Variants in SLC28A3 observed in about 807,000 individuals in gnomAD.
The protein encoded by SLC28A3 is concentrative Na(+)-nucleoside cotransporter 3.
In SLC28A3, 68 loss-of-function variants were observed where a neutral mutation model predicts 84.2. The observed-to-expected ratio is 0.81, with a 90% CI of 0.66 to 0.99. SLC28A3 has a LOEUF of 0.99. SLC28A3 is among the 50% of genes least tolerant of loss of function. SLC28A3 has a pLI of 0.00. For synonymous variants in SLC28A3, 267 were observed against 303.6 expected (o/e 0.88, Z 1.25); for missense variants, 712 against 841.5 (o/e 0.85, Z 1.90).
intron 10 of SLC28A3, among the ~76,000 whole-genome samples, chr9:84,291,797 G>GGCAA (rs1270527759): frequency 6.6e-6 from 1 of 152,162 alleles, no homozygotes; most frequent in Non-Finnish European, 1.5e-5. Flanking sequence ...CAGTGGTGCT[G>GGCAA]GCAAGCGTTC....
At position 84,292,663 on chromosome 9, in the gene SLC28A3, C is replaced by CAGATA; in HGVS notation, c.1023+4_1023+5insTATCT. ...ATGTTTTGTTCTGTTGATATTACAA[C>CAGATA]TTACTTGTCCAACAAATATATTGCC... On this transcript the variant is annotated splice_donor_region_variant and intron_variant, in intron 10 of 17. Coordinates refer to ENST00000376238, the MANE Select transcript of SLC28A3 (RefSeq NM_001199633.2). 1 of 1,606,346 alleles carries CAGATA rather than the reference C, an allele frequency of 6.2e-7. No individual in the cohort carries two copies. The highest frequency in any genetic ancestry group is 2.2e-5 in the East Asian group (1 of 44,510).
chr9:84,340,527 A>C, intron 1 of SLC28A3, 47 bp downstream of exon 1: 2 of 1,600,134 alleles, frequency 1.2e-6, no homozygotes, highest in Non-Finnish European at 1.7e-6. Context: ...AGGAAAGGGC[A>C]GCTTTTCCAC....
At chr9:84,351,836 G>A in the SLC28A3 span, among the ~76,000 whole-genome samples, 2 of 150,816 alleles carry the variant, frequency 1.3e-5, no homozygotes, top group Non-Finnish European at 2.9e-5. Flanking sequence ...GAGTATTTAG[G>A]AATAAAGTGA....
intron 8 of SLC28A3, among the ~76,000 whole-genome samples, chr9:84,296,686 C>G (rs1303362894): frequency 6.6e-6 from 1 of 152,108 alleles, no homozygotes; most frequent in African/African-American, 2.4e-5. Context: ...GAAGGCCTAT[C>G]CCCTAGTCCT....
chr9:84,320,080 C>T (rs1826323696), intron 1 of SLC28A3, among the ~76,000 whole-genome samples: 1 of 95,680 alleles, frequency 1.0e-5, no homozygotes, highest in Admixed American at 1.4e-4. Flanking sequence ...GACAGATTCT[C>T]GCTCTGATGC....
intron 1 of SLC28A3, among the ~76,000 whole-genome samples, chr9:84,319,346 G>A (rs1826283402): frequency 6.6e-6 from 1 of 152,030 alleles, no homozygotes; most frequent in Non-Finnish European, 1.5e-5. Context: ...TTAAATACAG[G>A]GTTTCCAGAG....
the SLC28A3 span, among the ~76,000 whole-genome samples, chr9:84,353,575 T>C: frequency 1.3e-5 from 2 of 152,132 alleles, no homozygotes; most frequent in Non-Finnish European, 2.9e-5. Flanking sequence ...CCAGGCGTGT[T>C]GATGCGCGCC....
At chr9:84,350,743 GCT>G in the SLC28A3 span, among the ~76,000 whole-genome samples, 1 of 152,040 alleles carries the variant, frequency 6.6e-6, no homozygotes, top group Non-Finnish European at 1.5e-5. Context: ...ACAGAGTGTT[GCT>G]CTGTCACCCA....
At chr9:84,331,778 C>G (rs917871688) in intron 1 of SLC28A3, among the ~76,000 whole-genome samples, 5 of 152,140 alleles carry the variant, frequency 3.3e-5, no homozygotes, top group Non-Finnish European at 5.9e-5. Context: ...AAAAAACATT[C>G]CTGCATTTTC....
the SLC28A3 span, among the ~76,000 whole-genome samples, chr9:84,352,839 G>A: frequency 7.6e-3 from 1,038 of 136,352 alleles, 7 homozygotes; most frequent in Middle Eastern, 0.02. Context: ...GTTGCAGTGA[G>A]CCAAGATCGC....
In SLC28A3 at chr9:84,288,854, A is replaced by T. The variant is rs144449922; in HGVS notation, c.1150-676T>A. Among the ~76,000 whole-genome samples the T allele has an allele frequency of 2.6e-5, 4 of 152,196 alleles. No homozygotes were observed. The East Asian group carries it at 7.7e-4, about 29-fold the overall frequency. On this transcript the variant is annotated intron_variant, in intron 11 of 17. Transcript: ENST00000376238. ...GAGCCACCATGCCCAGCCTCATTAC[A>T]TCATTTTAGATAGGGGATGGGGAGG...
upstream of SLC28A3, among the ~76,000 whole-genome samples, chr9:84,344,161 A>C (rs996278876): frequency 2.0e-5 from 3 of 151,152 alleles, no homozygotes; most frequent in Non-Finnish European, 4.4e-5. Flanking sequence ...CATGCCCTAC[A>C]AATCATAAAT....
chr9:84,320,590 C>T (rs1826342967), intron 1 of SLC28A3, among the ~76,000 whole-genome samples: 2 of 152,078 alleles, frequency 1.3e-5, no homozygotes, highest in Non-Finnish European at 2.9e-5. Flanking sequence ...TATGTGCTTC[C>T]CTGGGGCTCT....
rs2118007958 is a variant in SLC28A3, at chr9:84,277,853, G to A, written c.*365C>T. On this transcript the variant is annotated 3_prime_UTR_variant, in exon 18 of 18. Transcript: ENST00000376238. ...AAACTGAGTCACCCTGGACTACTTA[G>A]TGGACACTAAGTGGGTGTGGGTGAG... is the stretch of plus-strand genomic sequence containing the variant. 4.9e-6 allele frequency: 1 copy of A among 205,694 alleles called. No homozygotes were observed. Among genetic ancestry groups the A allele is most frequent in the South Asian group, 1.1e-4 (1 of 9,178 alleles). The allele number at this position is 205,694 out of a possible 1,614,324, so 12.7% of individuals were successfully genotyped here.
At chr9:84,351,971 G>C in the SLC28A3 span, among the ~76,000 whole-genome samples, 4 of 151,616 alleles carry the variant, frequency 2.6e-5, no homozygotes, top group Non-Finnish European at 5.9e-5. Flanking sequence ...ACTGTAATGA[G>C]AGTTTTTTGC....
chr9:84,302,097 A>G (rs1347454678), intron 5 of SLC28A3, 103 bp downstream of exon 5: 17 of 1,088,632 alleles, frequency 1.6e-5, no homozygotes, highest in Non-Finnish European at 2.0e-5. Context: ...TCTAGCTTCC[A>G]TATCCCATAA....
At position 84,340,573 on chromosome 9, in the gene SLC28A3, CCTGGA is replaced by C; in HGVS notation, c.56_60del (p.Phe19Ter). ...TAACATAAGAGGAAAGCTCTGCTCA[CCTGGA>C]AGCCCACGTTGCTGTAGCCCTCAGC... On this transcript the variant is annotated frameshift_variant and splice_region_variant, in exon 1 of 18. Transcript: ENST00000376238. LOFTEE classifies it high-confidence loss of function. 6.2e-7 allele frequency: 1 copy of C among 1,614,186 alleles called. No individual in the cohort carries two copies. Among genetic ancestry groups the C allele is most frequent in the Non-Finnish European group, 8.5e-7 (1 of 1,180,032 alleles).
intron 1 of SLC28A3, among the ~76,000 whole-genome samples, chr9:84,336,002 T>G (rs1588627268): frequency 6.6e-6 from 1 of 151,610 alleles, no homozygotes; most frequent in African/African-American, 2.4e-5. Flanking sequence ...CCAACGGATG[T>G]CCCAGCCACA....
At chr9:84,295,134 G>A (rs1825366232) in intron 8 of SLC28A3, among the ~76,000 whole-genome samples, 1 of 151,902 alleles carries the variant, frequency 6.6e-6, no homozygotes, top group Admixed American at 6.6e-5. Flanking sequence ...CAAACATGGT[G>A]CCCCCCCTAC....
Sources: allele counts gnomAD v4.1 joint callset (sites outside exome capture counted in the v4.1 genomes callset), GRCh38; gene constraint gnomAD v4.1.1; transcripts MANE v1.5; gene names NCBI Gene and HGNC (gene_info 2026-07-23, HGNC 2026-07-21).